Variants in OR2C3 observed in about 807,000 individuals in gnomAD.
The protein encoded by OR2C3 is olfactory receptor family 2 subfamily C member 3.
For missense variants in OR2C3, 425 were observed against 401.5 expected (o/e 1.06, Z -0.50); for synonymous variants, 178 against 163.4 (o/e 1.09, Z -0.68).
rs1293687676 is a variant in OR2C3, at chr1:247,527,655, G to A, written c.*3894C>T. 1 of 152,404 alleles carries A rather than the reference G, an allele frequency of 6.6e-6. No individual in the cohort carries two copies. The highest frequency in any genetic ancestry group is 2.4e-5 in the African/African-American group (1 of 41,440). 9.4% of individuals were successfully genotyped at this position (152,404 alleles called of 1,614,324 possible). On this transcript the variant is annotated 3_prime_UTR_variant, in exon 3 of 3. Coordinates refer to ENST00000641802, the MANE Select transcript of OR2C3 (RefSeq NM_198074.6). This position sits in a 1 kb window ranked among gnomAD's most constrained non-coding sequence, Gnocchi z 4.6. ...ATTGAACATATTTCTGGGGTAAACA[G>A]TGATGTTTGGAAGCACATAATGTAT... is the stretch of plus-strand genomic sequence containing the variant.
Position 247,532,057 on chromosome 1 carries a change from C to T in OR2C3, c.455G>A (p.Gly152Glu), listed in dbSNP as rs1455483239. The T allele has an allele frequency of 1.2e-6, 2 of 1,613,898 alleles. No homozygotes were observed. Among genetic ancestry groups the T allele is most frequent in the South Asian group, 1.1e-5 (1 of 91,054 alleles). The change falls in exon 3 of 3, where the codon GGG (glycine) becomes GAG (glutamate). Residue 152 changes from glycine to glutamate, a missense_variant. Coordinates refer to ENST00000641802, the MANE Select transcript of OR2C3 (RefSeq NM_198074.6). The part of the protein sequence containing the change: ...CLGLALASWL[G>E]GLTTSMVGST... ...GCCCACCATGCTGGTGGTCAGACCC[C>T]CCAGCCAGGAGGCCAAAGCTAGCCC...
At chr1:247,535,092 C>G (rs113229714) in intron 1 of OR2C3, among the ~76,000 whole-genome samples, 34 of 152,230 alleles carry the variant, frequency 2.2e-4, no homozygotes, top group South Asian at 6.2e-4. Context: ...TGGGGGGAAT[C>G]ACTTGAGCTC....
In OR2C3 at chr1:247,531,855, G is replaced by A. The variant is rs762023698; in HGVS notation, c.657C>T (p.Tyr219=). 8 of 1,614,056 alleles carry A rather than the reference G, an allele frequency of 5.0e-6. No homozygotes were observed. The highest frequency in any genetic ancestry group is 1.7e-5 in the Admixed American group (1 of 60,004). The change falls in exon 3 of 3, where the codon TAC becomes TAT. Residue 219 remains tyrosine (Y), a synonymous_variant. Transcript: ENST00000641802. ...VLPLGLILVS[Y]GHIARAVLKI... ...TCAACACGGCCCGGGCAATGTGGCC[G>A]TAAGAGACCAGGATGAGCCCCAGAG...
At chr1:247,535,338 C>G (rs999226137) in intron 1 of OR2C3, among the ~76,000 whole-genome samples, 3 of 152,022 alleles carry the variant, frequency 2.0e-5, no homozygotes, top group African/African-American at 7.2e-5. Context: ...ACAAACCAAT[C>G]AGGGAGGTAG....
intron 1 of OR2C3, among the ~76,000 whole-genome samples, chr1:247,535,140 T>C (rs1001439181): frequency 3.9e-5 from 6 of 151,900 alleles, no homozygotes; most frequent in Non-Finnish European, 8.8e-5. Flanking sequence ...TAGTGAGAGA[T>C]TGTCTTTACA....
rs1666962218 is a variant in OR2C3 at position 247,531,652 on chromosome 1, T to C, written c.860A>G (p.Asn287Ser). The C allele has an allele frequency of 1.9e-6, 3 of 1,613,980 alleles. No individual in the cohort carries two copies. The East Asian group carries it at 6.7e-5, about 36-fold the overall frequency. ...LFYTVVTPAL[N>S]PLIYTLRNTE... is the part of the protein sequence containing the mutation. ...GTTCCTCAGGGTGTAAATAAGTGGG[T>C]TCAGCGCAGGAGTGACTACGGTGTA... The change falls in exon 3 of 3, where the codon AAC (asparagine) becomes AGC (serine). Residue 287 changes from asparagine to serine, a missense_variant. Asn to Ser is a conservative substitution (Grantham distance 46). Transcript: ENST00000641802.
chr1:247,531,471 C>T lies in OR2C3; in HGVS notation c.*78G>A, dbSNP rs911622026. 9.1e-6 allele frequency: 13 copies of T among 1,435,806 alleles called. No individual in the cohort carries two copies. Among genetic ancestry groups the T allele is most frequent in the Admixed American group, 6.3e-5 (3 of 47,662 alleles). 88.9% of individuals were successfully genotyped at this position (1,435,806 alleles called of 1,614,324 possible). ...TCAAACAATATTAGAAGAAAAACGACATCCCAAGTGCCCTGTCTTCCAAGG... is the reference window on the plus strand; with the variant it reads ...TCAAACAATATTAGAAGAAAAACGATATCCCAAGTGCCCTGTCTTCCAAGG... On this transcript the variant is annotated 3_prime_UTR_variant, in exon 3 of 3. Coordinates refer to ENST00000641802, the MANE Select transcript of OR2C3 (RefSeq NM_198074.6).
rs1488676623 is a variant in OR2C3, at chr1:247,527,650, A to T, written c.*3899T>A. 1 of 152,434 alleles carries T rather than the reference A, an allele frequency of 6.6e-6. No homozygotes were observed. The highest frequency in any genetic ancestry group is 1.5e-5 in the Non-Finnish European group (1 of 68,220). The allele number at this position is 152,434 out of a possible 1,614,324, so 9.4% of individuals were successfully genotyped here. ...TAATAATTGAACATATTTCTGGGGT[A>T]AACAGTGATGTTTGGAAGCACATAA... is the stretch of plus-strand genomic sequence containing the variant. On this transcript the variant is annotated 3_prime_UTR_variant, in exon 3 of 3. Coordinates refer to ENST00000641802, the MANE Select transcript of OR2C3 (RefSeq NM_198074.6). The surrounding 1 kb of genome is among the most constrained non-coding windows in gnomAD (Gnocchi z 4.6).
rs1458671404 is a variant in OR2C3, at chr1:247,526,743, G to A, written c.*4806C>T. The stretch of plus-strand genomic sequence containing the variant: ...CTGTGAGAAGCCATCAAAGCCTATG[G>A]TTGCTGCAAGAGGAATAAAAGAAAA... On this transcript the variant is annotated 3_prime_UTR_variant, in exon 3 of 3. Transcript: ENST00000641802. The surrounding 1 kb of genome is among the most constrained non-coding windows in gnomAD (Gnocchi z 4.8). 2.2e-5 allele frequency: 8 copies of A among 358,716 alleles called. No individual in the cohort carries two copies. Among genetic ancestry groups the A allele is most frequent in the Non-Finnish European group, 4.3e-5 (8 of 184,464 alleles). 22.2% of individuals were successfully genotyped at this position (358,716 alleles called of 1,614,324 possible). A position where few individuals can be genotyped will look rare whatever the true frequency, so the allele number is the denominator to read the frequency against.
In OR2C3 at chr1:247,527,115, T is replaced by G. The variant is rs12404733; in HGVS notation, c.*4434A>C. On this transcript the variant is annotated 3_prime_UTR_variant, in exon 3 of 3. Transcript: ENST00000641802. The surrounding 1 kb of genome is among the most constrained non-coding windows in gnomAD (Gnocchi z 4.6). ...CTGGAGAGGATGTCTTCATTTTCTG[T>G]TAAGCATTTAGGGAGCAGTTGGGTG... 77,834 of 454,802 alleles carry G rather than the reference T, an allele frequency of 0.17. 7,467 individuals are homozygous for G. The highest frequency in any genetic ancestry group is 0.23 in the African/African-American group (11,646 of 50,056). 28.2% of individuals were successfully genotyped at this position (454,802 alleles called of 1,614,324 possible). A position where few individuals can be genotyped will look rare whatever the true frequency, so the allele number is the denominator to read the frequency against.
chr1:247,533,349 A>G (rs1667088276), intron 2 of OR2C3, among the ~76,000 whole-genome samples, 158 bp downstream of exon 2: 1 of 152,130 alleles, frequency 6.6e-6, no homozygotes, highest in Non-Finnish European at 1.5e-5. Flanking sequence ...TCTTCCCCGC[A>G]GTTAGCCATA....
In OR2C3 at chr1:247,533,897, G is replaced by C. The variant is rs548566624; in HGVS notation, c.-401-19C>G. The stretch of plus-strand genomic sequence containing the variant: ...CTCACTCCTACGAAAGCAATCACAG[G>C]ATTACATTAAGACATATGATCACAT... On this transcript the variant is annotated intron_variant, in intron 1 of 2. Transcript: ENST00000641802. 3.3e-5 allele frequency: 5 copies of C among 152,282 alleles called. No homozygotes were observed. The highest frequency in any genetic ancestry group is 1.2e-4 in the African/African-American group (5 of 41,550). 9.4% of individuals were successfully genotyped at this position (152,282 alleles called of 1,614,324 possible).
At chr1:247,534,072 C>T (rs1415962884) in intron 1 of OR2C3, among the ~76,000 whole-genome samples, 194 bp from the exon 2 acceptor site, 2 of 152,120 alleles carry the variant, frequency 1.3e-5, no homozygotes, top group African/African-American at 4.8e-5. Flanking sequence ...TGACTGAGGC[C>T]CTCCCTGACT....
rs1325765776 is a variant in OR2C3, at chr1:247,531,825, G to A, written c.687C>T (p.Ile229=). 2 of 1,614,204 alleles carry A rather than the reference G, an allele frequency of 1.2e-6. No individual in the cohort carries two copies. The highest frequency in any genetic ancestry group is 1.7e-6 in the Non-Finnish European group (2 of 1,180,032). The change falls in exon 3 of 3, where the codon ATC becomes ATT. Residue 229 remains isoleucine (I), a synonymous_variant. Coordinates refer to ENST00000641802, the MANE Select transcript of OR2C3 (RefSeq NM_198074.6). The part of the protein sequence containing the change: ...YGHIARAVLK[I]RSAEGRRKAF... Reference sequence around the variant, plus strand: ...CCTTTCTCCGCCCTTCTGCTGACCTGATCTTCAACACGGCCCGGGCAATGT... The same window carrying A: ...CCTTTCTCCGCCCTTCTGCTGACCTAATCTTCAACACGGCCCGGGCAATGT...
At position 247,530,307 on chromosome 1, in the gene OR2C3, T is replaced by C. The variant is rs778851717; in HGVS notation, c.*1242A>G. The stretch of plus-strand genomic sequence containing the variant: ...CTCTAGTGATAGGTTACTCTATTGA[T>C]AGAAGTTCTTTAACATCTGGAAAGA... On this transcript the variant is annotated 3_prime_UTR_variant, in exon 3 of 3. Coordinates refer to ENST00000641802, the MANE Select transcript of OR2C3 (RefSeq NM_198074.6). 6.6e-6 allele frequency: 1 copy of C among 152,238 alleles called. No individual in the cohort carries two copies. Among genetic ancestry groups the C allele is most frequent in the African/African-American group, 2.4e-5 (1 of 41,462 alleles). The allele number at this position is 152,238 out of a possible 1,614,324, so 9.4% of individuals were successfully genotyped here.
chr1:247,526,652 G>C lies in OR2C3; in HGVS notation c.*4897C>G. On this transcript the variant is annotated 3_prime_UTR_variant, in exon 3 of 3. Transcript: ENST00000641802. This position sits in a 1 kb window ranked among gnomAD's most constrained non-coding sequence, Gnocchi z 4.8. ...CATGACCCTCACAGTGTGCAGCATGGGAGGAAACCCATACATGAAGTAGAG... is the reference window on the plus strand; with the variant it reads ...CATGACCCTCACAGTGTGCAGCATGCGAGGAAACCCATACATGAAGTAGAG... 3.1e-6 allele frequency: 1 copy of C among 319,526 alleles called. No homozygotes were observed. 19.8% of individuals were successfully genotyped at this position (319,526 alleles called of 1,614,324 possible).
rs914161819 is a variant in OR2C3 at position 247,527,828 on chromosome 1, A to G, written c.*3721T>C. The G allele has an allele frequency of 6.6e-6, 1 of 152,338 alleles. No homozygotes were observed. Among genetic ancestry groups the G allele is most frequent in the African/African-American group, 2.4e-5 (1 of 41,590 alleles). 9.4% of individuals were successfully genotyped at this position (152,338 alleles called of 1,614,324 possible). A position where few individuals can be genotyped will look rare whatever the true frequency, so the allele number is the denominator to read the frequency against. ...TCATCCCGCAGTGGTATAGAACACT[A>G]GAACTTACTCCTCCAATGGAGCTGT... On this transcript the variant is annotated 3_prime_UTR_variant, in exon 3 of 3. Transcript: ENST00000641802. This position sits in a 1 kb window ranked among gnomAD's most constrained non-coding sequence, Gnocchi z 4.6.
Position 247,532,365 on chromosome 1 carries a change from G to A in OR2C3, c.147C>T (p.Val49=), listed in dbSNP as rs1667016721. The change falls in exon 3 of 3, where the codon GTC becomes GTT. Residue 49 remains valine, a synonymous_variant. Coordinates refer to ENST00000641802, the MANE Select transcript of OR2C3 (RefSeq NM_198074.6). ...TGTGGAGGTGCACATCTGTATGGGAGACCAGAATGATGATGCCATTGCCCA... is the reference window on the plus strand; with the variant it reads ...TGTGGAGGTGCACATCTGTATGGGAAACCAGAATGATGATGCCATTGCCCA... ...SILGNGIIIL[V]SHTDVHLHTP... The A allele has an allele frequency of 6.2e-7, 1 of 1,613,956 alleles. No individual in the cohort carries two copies. The highest frequency in any genetic ancestry group is 8.5e-7 in the Non-Finnish European group (1 of 1,179,910).
rs962209069 is a variant in OR2C3 at position 247,530,509 on chromosome 1, C to T, written c.*1040G>A. The T allele has an allele frequency of 9.1e-6, 1 of 109,728 alleles. No homozygotes were observed. Among genetic ancestry groups the T allele is most frequent in the Non-Finnish European group, 2.0e-5 (1 of 50,208 alleles). The allele number at this position is 109,728 out of a possible 1,614,324, so 6.8% of individuals were successfully genotyped here. ...CCTTCCCTGAACCAGTCCACAAACACCATGCCATCCCCCCCCCACAAAATA... is the reference window on the plus strand; with the variant it reads ...CCTTCCCTGAACCAGTCCACAAACATCATGCCATCCCCCCCCCACAAAATA... On this transcript the variant is annotated 3_prime_UTR_variant, in exon 3 of 3. Coordinates refer to ENST00000641802, the MANE Select transcript of OR2C3 (RefSeq NM_198074.6).
Sources: gnomAD v4.1 joint callset for allele counts (sites outside exome capture counted in the v4.1 genomes callset) on GRCh38, gnomAD v4.1.1 for gene constraint, Gnocchi (gnomAD v3.1) non-coding constraint, MANE v1.5 for transcripts, NCBI Gene and HGNC (gene_info 2026-07-23, HGNC 2026-07-21) for gene names.